The following MCF2L variants were observed in gnomAD, a reference collection of about 807,000 sequenced individuals.
The protein encoded by MCF2L is MCF.2 cell line derived transforming sequence like.
A neutral mutation model predicts 153.4 loss-of-function variants in MCF2L; 97 were observed. The observed-to-expected ratio is 0.63, with a 90% confidence interval of 0.54 to 0.75. The LOEUF (loss-of-function observed/expected upper bound fraction) is 0.75. Ranked by LOEUF, MCF2L falls within the 30% of genes least tolerant of loss-of-function variation. The probability of loss-of-function intolerance (pLI) is 0.00; values close to 1 mark genes in which losing one functional copy is unlikely to be tolerated. For synonymous variants in MCF2L, 659 were observed against 632.2 expected (o/e 1.04, Z -0.64); for missense variants, 1,347 against 1,495.2 (o/e 0.90, Z 1.64).
chr13:113,014,951 T>C (rs929101929), intron 2 of MCF2L, 105 bp downstream of exon 2: 1 of 955,934 alleles, frequency 1.0e-6, no homozygotes, highest in Non-Finnish European at 1.7e-6. Flanking sequence ...GGAAGGGTCA[T>C]GCGAGGGGCT....
Position 113,090,068 on chromosome 13 carries a change from A to T in MCF2L, c.2953+340A>T, listed in dbSNP as rs552554037. The stretch of plus-strand genomic sequence containing the variant: ...ATAGTTTCTTTCTCTTCCTTCATAG[A>T]TGACACGGTCACTAGCTCTGCCTCA... On this transcript the variant is annotated intron_variant, in intron 26 of 29. Coordinates refer to ENST00000535094, the MANE Select transcript of MCF2L (RefSeq NM_001112732.3). The T allele has an allele frequency of 3.6e-4, 569 of 1,560,128 alleles. 4 individuals carry two copies. In the African/African-American group the frequency reaches 7.1e-3, roughly 19 times the overall value.
intron 2 of MCF2L, among the ~76,000 whole-genome samples, chr13:113,016,315 C>T (rs1026644659): frequency 6.6e-6 from 1 of 152,170 alleles, no homozygotes; most frequent in African/African-American, 2.4e-5. Flanking sequence ...CTGTGTGGCC[C>T]CGAAGGAGGC....
chr13:113,023,463 C>T (rs977211872), intron 2 of MCF2L, among the ~76,000 whole-genome samples: 4 of 152,236 alleles, frequency 2.6e-5, no homozygotes, highest in South Asian at 4.2e-4. Context: ...GCAGAAGTTC[C>T]GGAAGCTGGA....
Position 112,969,361 on chromosome 13 carries a change from A to C in MCF2L, c.-19A>C. On this transcript the variant is annotated 5_prime_UTR_variant, in exon 1 of 30. Transcript: ENST00000535094. This position sits in a 1 kb window ranked among gnomAD's most constrained non-coding sequence, Gnocchi z 4.8. ...CGGAGGAAGCGGATCTGCCAGGATC[A>C]TTTTTGTTGTGTCGGAGGATGAGGT... is the stretch of plus-strand genomic sequence containing the variant. The C allele has an allele frequency of 6.5e-7, 1 of 1,549,836 alleles. No homozygotes were observed. Among genetic ancestry groups the C allele is most frequent in the Non-Finnish European group, 8.7e-7 (1 of 1,146,540 alleles).
intron 2 of MCF2L, chr13:112,917,489 C>CAAG (rs2140551219): frequency 3.2e-6 from 1 of 309,604 alleles, no homozygotes; most frequent in South Asian, 2.9e-5. Flanking sequence ...CTCCCCACCG[C>CAAG]CGTCTCGCAG....
intron 1 of MCF2L, among the ~76,000 whole-genome samples, chr13:113,008,258 G>A (rs1425825887): frequency 6.6e-6 from 1 of 152,140 alleles, no homozygotes; most frequent in Non-Finnish European, 1.5e-5. Flanking sequence ...AATTTATTTA[G>A]GCTTGACTGT....
chr13:112,968,459 C>T (rs1408950144), upstream of MCF2L: 2 of 1,587,966 alleles, frequency 1.3e-6, no homozygotes, highest in Non-Finnish European at 1.7e-6. Context: ...TGGCTTGGTG[C>T]CAACCATGGC....
chr13:112,994,559 G>A (rs1294541267), intron 1 of MCF2L, among the ~76,000 whole-genome samples: 1 of 152,260 alleles, frequency 6.6e-6, no homozygotes, highest in Non-Finnish European at 1.5e-5. Flanking sequence ...CCCCTTTGGT[G>A]AGCTGTCTCG....
In MCF2L at chr13:112,993,351, CA is replaced by C. The variant is rs1233618472; in HGVS notation, c.80-21411del. On this transcript the variant is annotated intron_variant, in intron 1 of 29. Coordinates refer to ENST00000535094, the MANE Select transcript of MCF2L (RefSeq NM_001112732.3). The surrounding 1 kb of genome is among the most constrained non-coding windows in gnomAD (Gnocchi z 4.6). ...GCCGACCTGAGGGCTCTGGGGTCAA[CA>C]CCGGTCCAGGAATTTGACTGTTAGC... Among the ~76,000 whole-genome samples, 1 of 152,224 alleles carries C rather than the reference CA, an allele frequency of 6.6e-6. No individual in the cohort carries two copies. The highest frequency in any genetic ancestry group is 1.5e-5 in the Non-Finnish European group (1 of 68,034).
chr13:112,943,973 G>T lies in MCF2L; in HGVS notation c.169+41602G>T, dbSNP rs1411836488. Among the ~76,000 whole-genome samples the T allele has an allele frequency of 1.3e-5, 2 of 149,650 alleles. No individual in the cohort carries two copies. The highest frequency in any genetic ancestry group is 6.6e-5 in the Admixed American group (1 of 15,086). ...AGGGGCGCAGAGAGGGTCCCGGGCC[G>T]TGAGGGGAGGGTCCCGGGTGAGGGG... On this transcript the variant is annotated intron_variant, in intron 2 of 29. Transcript: ENST00000375608. This position sits in a 1 kb window ranked among gnomAD's most constrained non-coding sequence, Gnocchi z 4.2.
intron 1 of MCF2L, among the ~76,000 whole-genome samples, chr13:113,014,534 T>C (rs896224355): frequency 6.6e-6 from 1 of 152,196 alleles, no homozygotes; most frequent in Non-Finnish European, 1.5e-5. Context: ...TCTCTGAACC[T>C]CTTATATCAC....
At chr13:113,018,597 C>A (rs1020160100) in intron 2 of MCF2L, among the ~76,000 whole-genome samples, 1 of 152,138 alleles carries the variant, frequency 6.6e-6, no homozygotes, top group African/African-American at 2.4e-5. Flanking sequence ...GAGCAGGCCC[C>A]GAGGAGGTCG....
intron 2 of MCF2L, among the ~76,000 whole-genome samples, chr13:112,903,202 G>T (rs2081136680): frequency 6.6e-6 from 1 of 152,192 alleles, no homozygotes; most frequent in Non-Finnish European, 1.5e-5. Context: ...AGCACCAATG[G>T]GGTGGCCACT....
At position 113,036,659 on chromosome 13, in the gene MCF2L, G is replaced by A. The variant is rs529004279; in HGVS notation, c.279-8612G>A. On this transcript the variant is annotated intron_variant, in intron 3 of 29. Transcript: ENST00000535094. The stretch of plus-strand genomic sequence containing the variant: ...CCCCAGGAGTGCGTGTGTCGCAGGC[G>A]ACCCTGTCCTCTCACCCAGGAGCCC... Among the ~76,000 whole-genome samples, 6 of 152,350 alleles carry A rather than the reference G, an allele frequency of 3.9e-5. No homozygotes were observed. In the East Asian group the frequency reaches 9.7e-4, roughly 25 times the overall value.
At chr13:113,032,214 G>T (rs1566770177) in intron 3 of MCF2L, among the ~76,000 whole-genome samples, 1 of 152,206 alleles carries the variant, frequency 6.6e-6, no homozygotes, top group Admixed American at 6.5e-5. Flanking sequence ...TGTCTGAGCT[G>T]GAGGGCAGCT....
chr13:113,087,204 C>T, intron 21 of MCF2L, 31 bp from the exon 22 acceptor site: 5 of 1,592,562 alleles, frequency 3.1e-6, no homozygotes, highest in Non-Finnish European at 4.3e-6. Context: ...CCCATCCCGT[C>T]CTGAACACAG....
chr13:113,047,907 G>A (rs573185892), intron 4 of MCF2L, among the ~76,000 whole-genome samples: 119 of 151,964 alleles, frequency 7.8e-4, no homozygotes, highest in African/African-American at 2.6e-3. Flanking sequence ...CGCGTGCCCC[G>A]GCCCCTCCGC....
Position 113,064,237 on chromosome 13 carries a change from A to T in MCF2L, c.490-67A>T. ...CTCTGTGCTGCTGGGTGTTCTGCTGATGGGGCAGCTCTTTTGGGAGCCAAC... is the reference window on the plus strand; with the variant it reads ...CTCTGTGCTGCTGGGTGTTCTGCTGTTGGGGCAGCTCTTTTGGGAGCCAAC... On this transcript the variant is annotated intron_variant, in intron 5 of 29. Transcript: ENST00000535094. The surrounding 1 kb of genome is among the most constrained non-coding windows in gnomAD (Gnocchi z 6.0). The T allele has an allele frequency of 8.5e-7, 1 of 1,183,246 alleles. No individual in the cohort carries two copies. The highest frequency in any genetic ancestry group is 1.7e-5 in the Admixed American group (1 of 59,384). The allele number at this position is 1,183,246 out of a possible 1,614,324, so 73.3% of individuals were successfully genotyped here.
rs570996262 is a variant in MCF2L at position 113,084,728 on chromosome 13, C to T, written c.2062-164C>T. 5.7e-5 allele frequency: 36 copies of T among 630,566 alleles called. 1 individual carries two copies. The highest frequency in any genetic ancestry group is 4.8e-4 in the South Asian group (26 of 53,654). 39.1% of individuals were successfully genotyped at this position (630,566 alleles called of 1,614,324 possible). ...CCCAGCGGAGCCTGGGAGCCAGTGC[C>T]GGCCCTCGGAAGCTATGGGGCCAGC... is the stretch of plus-strand genomic sequence containing the variant. On this transcript the variant is annotated intron_variant, in intron 18 of 29. Coordinates refer to ENST00000535094, the MANE Select transcript of MCF2L (RefSeq NM_001112732.3).
Sources: allele counts gnomAD v4.1 joint callset (sites outside exome capture counted in the v4.1 genomes callset), GRCh38; gene constraint gnomAD v4.1.1; non-coding constraint Gnocchi (gnomAD v3.1); transcripts MANE v1.5; gene names NCBI Gene and HGNC (gene_info 2026-07-23, HGNC 2026-07-21).